HHAT: variants seen among roughly 807,000 people sequenced by gnomAD.
The protein encoded by HHAT is protein-cysteine N-palmitoyltransferase HHAT.
HHAT carries 47 observed loss-of-function variants against 70.8 expected under a neutral mutation model. The ratio of observed to expected loss-of-function variants is 0.66; its 90% CI spans 0.53 to 0.85. HHAT has a LOEUF of 0.85. HHAT is among the 40% of genes least tolerant of loss of function. The pLI is 0.00. For missense variants in HHAT, 609 were observed against 604.8 expected, an observed-to-expected ratio of 1.01 and a Z score of -0.07; for synonymous variants, 228 against 247.6, an observed-to-expected ratio of 0.92 and a Z score of 0.74.
intron 11 of HHAT, among the ~76,000 whole-genome samples, chr1:210,640,561 A>G (rs949622585): frequency 2.6e-5 from 4 of 152,184 alleles, no homozygotes; most frequent in Admixed American, 2.0e-4. Context: ...TGATGAAGGT[A>G]TAAACCCATC....
rs536640709 is a variant in HHAT at position 210,528,634 on chromosome 1, A to T, written c.1043+15446A>T. On this transcript the variant is annotated intron_variant, in intron 9 of 11. Coordinates refer to ENST00000261458, the MANE Select transcript of HHAT (RefSeq NM_018194.6). Reference sequence around the variant, plus strand: ...AAATGCATAGTATAGCCTATTAATTAATATGCTAAAGTGGAAGGATCTGTT... The same window carrying T: ...AAATGCATAGTATAGCCTATTAATTTATATGCTAAAGTGGAAGGATCTGTT... Among the ~76,000 whole-genome samples, 3 of 152,262 alleles carry T rather than the reference A, an allele frequency of 2.0e-5. No homozygotes were observed. In the South Asian group the frequency reaches 6.2e-4, roughly 32 times the overall value.
At chr1:210,662,075 C>T (rs2078225) in intron 11 of HHAT, among the ~76,000 whole-genome samples, 39,618 of 152,128 alleles carry the variant, frequency 0.26, 5,744 homozygotes, top group East Asian at 0.38. Flanking sequence ...TTAGTTCATC[C>T]TCACAGCCTA....
chr1:210,670,420 G>A (rs573955523), intron 11 of HHAT, among the ~76,000 whole-genome samples: 2 of 152,358 alleles, frequency 1.3e-5, no homozygotes, highest in South Asian at 4.1e-4. Context: ...TCTGGAAGAG[G>A]TGTGGTGTTG....
chr1:210,658,572 C>G (rs190881483), intron 11 of HHAT, among the ~76,000 whole-genome samples: 103 of 152,258 alleles, frequency 6.8e-4, no homozygotes, highest in African/African-American at 2.4e-3. Context: ...TTGGGGTGTT[C>G]TGTACCAAGC....
At chr1:210,669,382 A>G (rs113589024) in intron 11 of HHAT, among the ~76,000 whole-genome samples, 3,965 of 131,732 alleles carry the variant, frequency 0.03, 60 homozygotes, top group Middle Eastern at 0.076. Flanking sequence ...CCTGTTTCTC[A>G]TTAGCTGTAG....
At chr1:210,337,250 A>C (rs952203218) in intron 1 of HHAT, among the ~76,000 whole-genome samples, 2 of 152,120 alleles carry the variant, frequency 1.3e-5, no homozygotes, top group Non-Finnish European at 2.9e-5. Context: ...CTTTTCTTCC[A>C]ATTTAAGTTT....
intron 9 of HHAT, among the ~76,000 whole-genome samples, chr1:210,525,562 A>G (rs978201227): frequency 6.6e-6 from 1 of 152,150 alleles, no homozygotes; most frequent in Admixed American, 6.5e-5. Flanking sequence ...TTTTGAGGAA[A>G]AACTTGTTAG....
chr1:210,567,060 C>T (rs1339596527), intron 9 of HHAT, among the ~76,000 whole-genome samples: 1 of 151,996 alleles, frequency 6.6e-6, no homozygotes, highest in East Asian at 2.0e-4. Flanking sequence ...TGTCTCTGTG[C>T]CCCCCCTCCA....
intron 8 of HHAT, among the ~76,000 whole-genome samples, chr1:210,504,484 T>A (rs1383530137): frequency 2.6e-5 from 4 of 152,220 alleles, no homozygotes; most frequent in Non-Finnish European, 5.9e-5. Context: ...AGAGCCAGAA[T>A]CCAGATCTCG....
intron 11 of HHAT, among the ~76,000 whole-genome samples, chr1:210,655,980 T>C (rs1676317074): frequency 6.6e-6 from 1 of 152,212 alleles, no homozygotes; most frequent in South Asian, 2.1e-4. Flanking sequence ...GGCAGATATC[T>C]GCAATGGATG....
At chr1:210,487,217 A>G (rs2094486197) in intron 8 of HHAT, among the ~76,000 whole-genome samples, 1 of 152,212 alleles carries the variant, frequency 6.6e-6, no homozygotes, top group Non-Finnish European at 1.5e-5. Flanking sequence ...TGAGGAGCTC[A>G]GGAGCAAAGG....
At chr1:210,453,502 T>TA (rs1311515038) in intron 7 of HHAT, among the ~76,000 whole-genome samples, 1 of 152,146 alleles carries the variant, frequency 6.6e-6, no homozygotes, top group African/African-American at 2.4e-5. Context: ...TTATTTAAAA[T>TA]ACCCCCTATT....
intron 11 of HHAT, among the ~76,000 whole-genome samples, chr1:210,641,471 G>A (rs1355964879): frequency 6.6e-6 from 1 of 152,164 alleles, no homozygotes; most frequent in Non-Finnish European, 1.5e-5. Context: ...AGCAAAAACA[G>A]CAATTACTGT....
chr1:210,638,012 C>T (rs1025905887), intron 11 of HHAT, among the ~76,000 whole-genome samples: 4 of 152,190 alleles, frequency 2.6e-5, no homozygotes, highest in Admixed American at 2.0e-4. Flanking sequence ...TTCACAGCTA[C>T]TCAGATGGCT....
At chr1:210,426,153 T>C (rs2093054582) in intron 7 of HHAT, among the ~76,000 whole-genome samples, 1 of 152,232 alleles carries the variant, frequency 6.6e-6, no homozygotes, top group African/African-American at 2.4e-5. Context: ...TTGACTGCTG[T>C]TGGCATATAG....
intron 8 of HHAT, among the ~76,000 whole-genome samples, chr1:210,497,717 C>T (rs996209696): frequency 3.3e-5 from 5 of 151,888 alleles, no homozygotes; most frequent in African/African-American, 7.3e-5. Flanking sequence ...CTGTAGAGGC[C>T]CATTTGTTCT....
chr1:210,385,793 A>G (rs940174088), intron 3 of HHAT, among the ~76,000 whole-genome samples: 4 of 152,218 alleles, frequency 2.6e-5, no homozygotes, highest in Non-Finnish European at 5.9e-5. Flanking sequence ...AGTAGCGGGT[A>G]CTGCTGTTTA....
chr1:210,624,002 A>G (rs1669377756), intron 11 of HHAT, among the ~76,000 whole-genome samples: 1 of 152,164 alleles, frequency 6.6e-6, no homozygotes. Flanking sequence ...CTGTGGTTGA[A>G]TATTCCCTTC....
intron 6 of HHAT, among the ~76,000 whole-genome samples, chr1:210,407,319 G>A (rs1378209735): frequency 6.6e-6 from 1 of 152,176 alleles, no homozygotes; most frequent in Non-Finnish European, 1.5e-5. Flanking sequence ...TATAAGGATT[G>A]GAAATATTGA....
Sources: gnomAD v4.1 joint callset for allele counts (sites outside exome capture counted in the v4.1 genomes callset) on GRCh38, gnomAD v4.1.1 for gene constraint, MANE v1.5 for transcripts, NCBI Gene and HGNC (gene_info 2026-07-23, HGNC 2026-07-21) for gene names.